The following GPC5 variants were observed in gnomAD, a reference collection of about 807,000 sequenced individuals.
GPC5 encodes glypican-5.
In GPC5, 47 loss-of-function variants were observed where a neutral mutation model predicts 53.9. That is an observed-to-expected ratio of 0.87 (90% CI 0.69 to 1.11). The LOEUF (loss-of-function observed/expected upper bound fraction) is 1.11. GPC5 is among the 50% of genes most tolerant of loss of function. The probability of loss-of-function intolerance (pLI) is 0.00; values close to 1 mark genes in which losing one functional copy is unlikely to be tolerated. For synonymous variants in GPC5, 286 were observed against 263.3 expected (o/e 1.09, Z -0.84); for missense variants, 748 against 713.1 (o/e 1.05, Z -0.56).
At chr13:92,457,293 G>T (rs1878306671) in intron 7 of GPC5, among the ~76,000 whole-genome samples, 1 of 152,056 alleles carries the variant, frequency 6.6e-6, no homozygotes, top group Non-Finnish European at 1.5e-5. Context: ...GGTGAATAGT[G>T]CTGTGATGAA....
chr13:91,975,283 A>G (rs1413135071), intron 6 of GPC5, among the ~76,000 whole-genome samples: 2 of 152,192 alleles, frequency 1.3e-5, no homozygotes, highest in East Asian at 1.9e-4. Flanking sequence ...ATCTAATTAA[A>G]CTAAAGAGCT....
chr13:91,746,012 T>C (rs1594513500), intron 4 of GPC5, among the ~76,000 whole-genome samples: 1 of 152,200 alleles, frequency 6.6e-6, no homozygotes, highest in African/African-American at 2.4e-5. Flanking sequence ...TTTTGTCAAA[T>C]AGAATGACAG....
At chr13:91,570,497 T>G (rs1444044735) in intron 2 of GPC5, among the ~76,000 whole-genome samples, 1 of 152,190 alleles carries the variant, frequency 6.6e-6, no homozygotes, top group East Asian at 1.9e-4. Flanking sequence ...GTATTATACT[T>G]AGAAAATATT....
At chr13:92,331,460 A>T (rs1055618803) in intron 7 of GPC5, among the ~76,000 whole-genome samples, 10 of 152,168 alleles carry the variant, frequency 6.6e-5, no homozygotes, top group African/African-American at 2.4e-4. Flanking sequence ...TGAAAAATAA[A>T]TAGTTTTCTC....
chr13:91,954,057 G>A (rs943305520), intron 6 of GPC5, among the ~76,000 whole-genome samples: 1 of 151,998 alleles, frequency 6.6e-6, no homozygotes, highest in Non-Finnish European at 1.5e-5. Flanking sequence ...AATTATGAAT[G>A]GTTCTATATT....
chr13:92,333,304 G>C (rs1476134606), intron 7 of GPC5, among the ~76,000 whole-genome samples: 1 of 152,134 alleles, frequency 6.6e-6, no homozygotes, highest in Non-Finnish European at 1.5e-5. Flanking sequence ...GAATATGCCA[G>C]AGCATTCTGT....
At chr13:92,602,243 T>TATATATATATA in intron 7 of GPC5, among the ~76,000 whole-genome samples, 1 of 137,390 alleles carries the variant, frequency 7.3e-6, no homozygotes, top group East Asian at 2.0e-4. Context: ...CATATATATA[T>TATATATATATA]ATATATATAT....
chr13:91,742,205 G>A (rs578002854), intron 4 of GPC5, among the ~76,000 whole-genome samples: 7 of 152,028 alleles, frequency 4.6e-5, no homozygotes, highest in African/African-American at 7.2e-5. Flanking sequence ...AACTACAGGC[G>A]CACAGGAAAA....
intron 7 of GPC5, among the ~76,000 whole-genome samples, chr13:92,275,192 A>T (rs1270187073): frequency 6.6e-6 from 1 of 152,162 alleles, no homozygotes; most frequent in Non-Finnish European, 1.5e-5. Context: ...ATTGAAATAG[A>T]TATTAATTGA....
At chr13:91,814,912 C>T (rs2038377067) in intron 5 of GPC5, among the ~76,000 whole-genome samples, 1 of 152,080 alleles carries the variant, frequency 6.6e-6, no homozygotes, top group South Asian at 2.1e-4. Flanking sequence ...TTTCTCTATG[C>T]CATTTGGAAT....
At chr13:92,144,304 T>C (rs79741371) in intron 6 of GPC5, among the ~76,000 whole-genome samples, 2,733 of 152,290 alleles carry the variant, frequency 0.018, 64 homozygotes, top group African/African-American at 0.049. Context: ...GTATGTGCCA[T>C]ATGCATTGGA....
At chr13:92,601,554 C>CAAAAAAAAAAAAAAAAA (rs57333686) in intron 7 of GPC5, among the ~76,000 whole-genome samples, 2 of 67,402 alleles carry the variant, frequency 3.0e-5, no homozygotes, top group African/African-American at 4.3e-5. Context: ...GACTCCATCT[C>CAAAAAAAAAAAAAAAAA]AAAAAAAAAA....
At chr13:92,393,625 A>G (rs1566571802) in intron 7 of GPC5, among the ~76,000 whole-genome samples, 2 of 152,162 alleles carry the variant, frequency 1.3e-5, no homozygotes, top group Non-Finnish European at 2.9e-5. Flanking sequence ...CTGCAGCCTG[A>G]TGACAAGAGT....
At chr13:92,800,556 A>T (rs1191076334) in intron 7 of GPC5, among the ~76,000 whole-genome samples, 2 of 151,912 alleles carry the variant, frequency 1.3e-5, no homozygotes, top group Non-Finnish European at 2.9e-5. Context: ...TGAAAATTGG[A>T]ATTACCAACA....
At chr13:92,865,909 A>G (rs1327052370) in intron 7 of GPC5, among the ~76,000 whole-genome samples, 1 of 152,170 alleles carries the variant, frequency 6.6e-6, no homozygotes, top group Admixed American at 6.6e-5. Flanking sequence ...TTTTATTTTC[A>G]TGGGAAAAGT....
chr13:91,907,569 T>C (rs1266401799), intron 5 of GPC5, among the ~76,000 whole-genome samples: 1 of 147,162 alleles, frequency 6.8e-6, no homozygotes, highest in Non-Finnish European at 1.5e-5. Context: ...AGATAAGGAC[T>C]GCATAAAATA....
chr13:92,809,327 G>A (rs775377977), intron 7 of GPC5, among the ~76,000 whole-genome samples: 88 of 152,248 alleles, frequency 5.8e-4, no homozygotes, highest in Middle Eastern at 3.4e-3. Flanking sequence ...TCATAGGCAT[G>A]GTTCAAACAT....
At chr13:92,000,060 C>T (rs9589397) in intron 6 of GPC5, among the ~76,000 whole-genome samples, 4,364 of 152,210 alleles carry the variant, frequency 0.029, 191 homozygotes, top group African/African-American at 0.098. Context: ...TAAGATCTAA[C>T]ATTTTCAAGA....
At chr13:92,574,085 C>T (rs1466270026) in intron 7 of GPC5, among the ~76,000 whole-genome samples, 2 of 152,122 alleles carry the variant, frequency 1.3e-5, no homozygotes, top group Non-Finnish European at 2.9e-5. Context: ...TTTTAGTTTC[C>T]ACTGCACCTT....
Sources: gnomAD v4.1 joint callset for allele counts (sites outside exome capture counted in the v4.1 genomes callset) on GRCh38, gnomAD v4.1.1 for gene constraint, MANE v1.5 for transcripts, NCBI Gene and HGNC (gene_info 2026-07-23, HGNC 2026-07-21) for gene names.